The following ENG variants were observed in gnomAD, a reference collection of about 807,000 sequenced individuals.
The protein encoded by ENG is CD105 antigen.
ENG carries 17 observed loss-of-function variants against 71.0 expected under a neutral mutation model. That is an observed-to-expected ratio of 0.24 (90% CI 0.16 to 0.36). ENG has a LOEUF of 0.36. ENG is among the 10% of genes least tolerant of loss of function. The probability of loss-of-function intolerance (pLI) is 1.00; values close to 1 mark genes in which losing one functional copy is unlikely to be tolerated. For synonymous variants in ENG, 360 were observed against 366.9 expected, an observed-to-expected ratio of 0.98 and a Z score of 0.21; for missense variants, 749 against 868.3, an observed-to-expected ratio of 0.86 and a Z score of 1.73.
At position 127,843,143 on chromosome 9, in the gene ENG, G is replaced by A. The variant is rs751204796; in HGVS notation, c.170C>T (p.Ala57Val). The change falls in exon 2 of 15, where the codon GCC (alanine) becomes GTC (valine). Residue 57 changes from alanine to valine, a missense_variant. Transcript: ENST00000373203. ...ATGGACTTCAAGGATGGCATTGGGGGCCTGAGCCACGCAGCCCTTCGAGAC... is the reference window on the plus strand; with the variant it reads ...ATGGACTTCAAGGATGGCATTGGGGACCTGAGCCACGCAGCCCTTCGAGAC... The part of the protein sequence containing the change: ...SQVSKGCVAQ[A>V]PNAILEVHVL... 4.3e-6 allele frequency: 7 copies of A among 1,614,230 alleles called. No homozygotes were observed. Among genetic ancestry groups the A allele is most frequent in the Non-Finnish European group, 5.9e-6 (7 of 1,180,038 alleles).
Position 127,838,996 on chromosome 9 carries a change from T to G in ENG, c.219+4098A>C, listed in dbSNP as rs1382002612. Among the ~76,000 whole-genome samples the G allele has an allele frequency of 6.6e-6, 1 of 152,124 alleles. No individual in the cohort carries two copies. Among genetic ancestry groups the G allele is most frequent in the Non-Finnish European group, 1.5e-5 (1 of 68,012 alleles). The stretch of plus-strand genomic sequence containing the variant: ...GAAGCCGGCCATAGGTCAGGAGGGA[T>G]CCGGCTGGCTGCTAAAAGCCACCAC... On this transcript the variant is annotated intron_variant, in intron 2 of 14. Transcript: ENST00000373203. The surrounding 1 kb of genome is among the most constrained non-coding windows in gnomAD (Gnocchi z 4.3).
chr9:127,845,856 G>A (rs1021291053), intron 1 of ENG, among the ~76,000 whole-genome samples: 9 of 152,064 alleles, frequency 5.9e-5, no homozygotes, highest in African/African-American at 1.9e-4. Context: ...ACAGTTGTGC[G>A]CCACCACGCC....
chr9:127,824,577 G>A (rs1233739087), intron 7 of ENG, 131 bp from the exon 8 acceptor site: 2 of 1,242,818 alleles, frequency 1.6e-6, no homozygotes, highest in Non-Finnish European at 2.1e-6. Flanking sequence ...GGAGTGCAGT[G>A]GCACGATCTT....
rs546371510 is a variant in ENG at position 127,837,611 on chromosome 9, C to A, written c.219+5483G>T. 1.1e-4 allele frequency among the ~76,000 whole-genome samples: 16 copies of A among 152,284 alleles called. No homozygotes were observed. In the South Asian group the frequency reaches 1.2e-3, roughly 12 times the overall value. On this transcript the variant is annotated intron_variant, in intron 2 of 14. Coordinates refer to ENST00000373203, the MANE Select transcript of ENG (RefSeq NM_001114753.3). The stretch of plus-strand genomic sequence containing the variant: ...CTCAAGAGCTTGGCAGAGAACAAAC[C>A]AACACCTCCGAACGACCAGACATAA...
intron 2 of ENG, among the ~76,000 whole-genome samples, chr9:127,839,777 A>G (rs1830983761): frequency 6.6e-6 from 1 of 152,060 alleles, no homozygotes; most frequent in Admixed American, 6.6e-5. Flanking sequence ...GCTAGTCTCG[A>G]ACTCCTGACC....
At position 127,846,781 on chromosome 9, in the gene ENG, G is replaced by C. The variant is rs1831177691; in HGVS notation, c.68-3536C>G. Among the ~76,000 whole-genome samples the C allele has an allele frequency of 6.6e-6, 1 of 152,058 alleles. No individual in the cohort carries two copies. On this transcript the variant is annotated intron_variant, in intron 1 of 14. Coordinates refer to ENST00000373203, the MANE Select transcript of ENG (RefSeq NM_001114753.3). The surrounding 1 kb of genome is among the most constrained non-coding windows in gnomAD (Gnocchi z 5.5). ...CCCCTGGCACCAAGGGAAACGCCAG[G>C]GCCTCCCGGGACTGGGTCAGAGGAG... is the stretch of plus-strand genomic sequence containing the variant.
Position 127,829,638 on chromosome 9 carries a change from A to C in ENG, c.360+49T>G, listed in dbSNP as rs182859543. On this transcript the variant is annotated intron_variant, in intron 3 of 14. Transcript: ENST00000373203. ...TGACCCACAGAGATGGACAGTAGGG[A>C]CCTCCCATGGCCAGAGCCTCAGCCT... The C allele has an allele frequency of 1.9e-6, 3 of 1,610,486 alleles. No homozygotes were observed. The East Asian group carries it at 6.7e-5, about 36-fold the overall frequency.
Position 127,819,926 on chromosome 9 carries a change from C to T in ENG, c.1246G>A (p.Val416Met). 1 of 1,614,268 alleles carries T rather than the reference C, an allele frequency of 6.2e-7. No individual in the cohort carries two copies. The highest frequency in any genetic ancestry group is 1.3e-5 in the African/African-American group (1 of 75,074). ...RSAYSSCGMQ[V>M]SASMISNEAV... ...TCATTGCTGATCATACTTGCTGACA[C>T]CTGCATGCCACAGCTGGAGTAAGCA... The change falls in exon 9 of 15, where the codon GTG becomes ATG. Residue 416 changes from valine to methionine, a missense_variant. Physicochemically the swap from Val to Met is conservative, Grantham distance 21 (BLOSUM62 1). Transcript: ENST00000373203.
chr9:127,822,975 G>A (rs1224432174), intron 8 of ENG, among the ~76,000 whole-genome samples: 3 of 151,842 alleles, frequency 2.0e-5, no homozygotes. Context: ...TGAGTAGCTG[G>A]GACTACAGGC....
At chr9:127,818,584 T>A in intron 11 of ENG, 132 bp downstream of exon 11, 3 of 1,370,676 alleles carry the variant, frequency 2.2e-6, no homozygotes, top group Non-Finnish European at 3.1e-6. Context: ...TGTCTCTCCC[T>A]CTCCCGTGCA....
At chr9:127,826,929 C>T (rs1171435303) in intron 3 of ENG, 1 of 513,392 alleles carries the variant, frequency 1.9e-6, no homozygotes, top group Non-Finnish European at 3.6e-6. Flanking sequence ...ATCACCCACC[C>T]CTCCAGAGCT....
chr9:127,844,070 C>T (rs1307101704), intron 1 of ENG, among the ~76,000 whole-genome samples: 2 of 149,170 alleles, frequency 1.3e-5, no homozygotes, highest in Non-Finnish European at 3.0e-5. Context: ...CGTGCCCGGC[C>T]AGCCTCCTAT....
At chr9:127,825,186 G>T (rs1190373425) in intron 6 of ENG, 45 bp downstream of exon 6, 3 of 1,613,206 alleles carry the variant, frequency 1.9e-6, no homozygotes, top group South Asian at 1.1e-5. Context: ...TGATCCAGAG[G>T]TTGGGAGTTT....
chr9:127,828,358 C>G (rs1830675815), intron 3 of ENG, among the ~76,000 whole-genome samples: 1 of 152,166 alleles, frequency 6.6e-6, no homozygotes, highest in African/African-American at 2.4e-5. Flanking sequence ...GGCACGACGT[C>G]TGTTGGTCGC....
chr9:127,819,432 A>G, intron 10 of ENG, 190 bp downstream of exon 10: 1 of 718,440 alleles, frequency 1.4e-6, no homozygotes, highest in Admixed American at 2.3e-5. Flanking sequence ...AAGCCCTCTG[A>G]CTTGAGAGAC....
chr9:127,818,062 C>T, intron 12 of ENG, 58 bp downstream of exon 12: 1 of 1,612,896 alleles, frequency 6.2e-7, no homozygotes, highest in Non-Finnish European at 8.5e-7. Flanking sequence ...TCCCTTCCTG[C>T]AAACCACAGA....
chr9:127,824,165 T>C (rs1318503115), intron 8 of ENG, 139 bp downstream of exon 8: 1 of 1,223,404 alleles, frequency 8.2e-7, no homozygotes, highest in Non-Finnish European at 1.2e-6. Context: ...ATCAATTCCA[T>C]TATACAAGTG....
chr9:127,815,462 A>T lies in ENG; in HGVS notation c.*220T>A. 1.1e-6 allele frequency: 1 copy of T among 875,212 alleles called. No individual in the cohort carries two copies. Among genetic ancestry groups the T allele is most frequent in the Non-Finnish European group, 1.7e-6 (1 of 595,468 alleles). The allele number at this position is 875,212 out of a possible 1,614,324, so 54.2% of individuals were successfully genotyped here. On this transcript the variant is annotated 3_prime_UTR_variant, in exon 15 of 15. Transcript: ENST00000373203. ...TCCTGGGCAGCCATATCCCAGACCCACTGGGTTGAAGGTTCTGTGGGGTGG... is the reference window on the plus strand; with the variant it reads ...TCCTGGGCAGCCATATCCCAGACCCTCTGGGTTGAAGGTTCTGTGGGGTGG...
Position 127,829,668 on chromosome 9 carries a change from T to G in ENG, c.360+19A>C, listed in dbSNP as rs1830711310. On this transcript the variant is annotated intron_variant, in intron 3 of 14. Coordinates refer to ENST00000373203, the MANE Select transcript of ENG (RefSeq NM_001114753.3). ...CCATGGCCAGAGCCTCAGCCTGGGGTTGGAGGGAACACACTCACGTAGGCC... is the reference window on the plus strand; with the variant it reads ...CCATGGCCAGAGCCTCAGCCTGGGGGTGGAGGGAACACACTCACGTAGGCC... 1 of 1,613,206 alleles carries G rather than the reference T, an allele frequency of 6.2e-7. No homozygotes were observed. Among genetic ancestry groups the G allele is most frequent in the Non-Finnish European group, 8.5e-7 (1 of 1,179,756 alleles).
Sources: allele counts gnomAD v4.1 joint callset (sites outside exome capture counted in the v4.1 genomes callset), GRCh38; gene constraint gnomAD v4.1.1; non-coding constraint Gnocchi (gnomAD v3.1); transcripts MANE v1.5; gene names NCBI Gene and HGNC (gene_info 2026-07-23, HGNC 2026-07-21).